CNTRL: variants seen among roughly 807,000 people sequenced by gnomAD.
CNTRL encodes 110 kDa centrosomal protein.
CNTRL carries 233 observed loss-of-function variants against 303.7 expected under a neutral mutation model. The observed-to-expected ratio is 0.77, with a 90% CI of 0.69 to 0.86. CNTRL has a LOEUF of 0.86. Among genes scored for constraint, CNTRL ranks in the 40% least tolerant of loss-of-function variants. The pLI is 0.00. For missense variants in CNTRL, 2,524 were observed against 2,650.6 expected (o/e 0.95, Z 1.05); for synonymous variants, 900 against 922.2 (o/e 0.98, Z 0.44).
chr9:121,125,863 A>T lies in CNTRL; in HGVS notation c.1952A>T (p.Gln651Leu), dbSNP rs774635839. 1.2e-6 allele frequency: 2 copies of T among 1,614,262 alleles called. No individual in the cohort carries two copies. The highest frequency in any genetic ancestry group is 1.7e-6 in the Non-Finnish European group (2 of 1,180,046). Residue 651 changes from glutamine (Q) to leucine (L), a missense_variant, in exon 14 of 44, where the codon CAG (glutamine) becomes CTG (leucine). Transcript: ENST00000373855. ...CGGGATGAGAAAGAGACATTGTTGC[A>T]GAGATTGACAGAAGTCGAGCAGGAG... ...KLRDEKETLL[Q>L]RLTEVEQERD...
chr9:121,116,775 A>G (rs1440337991), intron 11 of CNTRL, among the ~76,000 whole-genome samples: 1 of 152,184 alleles, frequency 6.6e-6, no homozygotes, highest in East Asian at 1.9e-4. Flanking sequence ...TGTTCAGTAC[A>G]GGCAAGAGAT....
rs2052633946 is a variant in CNTRL at position 121,157,551 on chromosome 9, A to C, written c.4447A>C (p.Arg1483=). 1.2e-6 allele frequency: 2 copies of C among 1,614,172 alleles called. No individual in the cohort carries two copies. The highest frequency in any genetic ancestry group is 2.7e-5 in the African/African-American group (2 of 75,054). ...GTCAGATGCTGAGGAATTAGAAAGG[A>C]GAGCTCAGGAAACTGCTGTTAACCT... ...TESDAEELER[R]AQETAVNLVK... Residue 1483 remains arginine, a synonymous_variant, in exon 28 of 44, where the codon AGA becomes CGA. Transcript: ENST00000373855.
Position 121,108,315 on chromosome 9 carries a change from G to T in CNTRL, c.1002+320G>T, listed in dbSNP as rs542845500. Among the ~76,000 whole-genome samples the T allele has an allele frequency of 2.0e-5, 3 of 152,232 alleles. No individual in the cohort carries two copies. In the East Asian group the frequency reaches 5.8e-4, roughly 29 times the overall value. ...TTATCCAAAATTTTGTGAGTTATAG[G>T]TCTTTTTGGACATGGAATCCATCTT... On this transcript the variant is annotated intron_variant, in intron 8 of 43. Transcript: ENST00000373855.
intron 27 of CNTRL, among the ~76,000 whole-genome samples, chr9:121,155,772 G>A (rs1393408569): frequency 6.6e-6 from 1 of 151,892 alleles, no homozygotes; most frequent in Non-Finnish European, 1.5e-5. Context: ...TGTTAGCTTG[G>A]TTTACTGATG....
In CNTRL at chr9:121,096,581, G is replaced by T; in HGVS notation, c.621+18G>T. ...TATCATCGGTAAGTTATTCAAAATAGCAGGAATTTTTAGACTTGTTAAAAA... is the reference window on the plus strand; with the variant it reads ...TATCATCGGTAAGTTATTCAAAATATCAGGAATTTTTAGACTTGTTAAAAA... On this transcript the variant is annotated intron_variant, in intron 6 of 43. Coordinates refer to ENST00000373855, the MANE Select transcript of CNTRL (RefSeq NM_007018.6). The T allele has an allele frequency of 7.1e-7, 1 of 1,404,518 alleles. No individual in the cohort carries two copies. 87.0% of individuals were successfully genotyped at this position (1,404,518 alleles called of 1,614,324 possible). A position where few individuals can be genotyped will look rare whatever the true frequency, so the allele number is the denominator to read the frequency against.
chr9:121,175,353 AC>A (rs2053479187), intron 43 of CNTRL, 129 bp downstream of exon 43: 1 of 792,106 alleles, frequency 1.3e-6, no homozygotes, highest in Non-Finnish European at 2.1e-6. Flanking sequence ...TGCAGCCTTG[AC>A]CTCCCAGGCT....
At position 121,169,805 on chromosome 9, in the gene CNTRL, A is replaced by G. The variant is rs754970427; in HGVS notation, c.6265A>G (p.Lys2089Glu). 2.4e-5 allele frequency: 39 copies of G among 1,613,858 alleles called. No individual in the cohort carries two copies. Among genetic ancestry groups the G allele is most frequent in the Non-Finnish European group, 2.5e-5 (30 of 1,179,904 alleles). ...TAAGATCCAGCGGAGCCAGCTGGAG[A>G]AAAACCTTCTTGTGAGTACCTGCTG... ...ALKIQRSQLE[K>E]NLLEQKQENS... The change falls in exon 39 of 44, where the codon AAA (lysine) becomes GAA (glutamate). Residue 2089 changes from lysine (K) to glutamate (E), a missense_variant. Lys to Glu is a moderately conservative substitution (Grantham distance 56). Coordinates refer to ENST00000373855, the MANE Select transcript of CNTRL (RefSeq NM_007018.6).
chr9:121,092,994 A>T (rs973996082), intron 4 of CNTRL, among the ~76,000 whole-genome samples: 10 of 149,848 alleles, frequency 6.7e-5, no homozygotes, highest in Non-Finnish European at 1.0e-4. Context: ...TCTTTAGTAG[A>T]GACAGGGTTT....
intron 42 of CNTRL, among the ~76,000 whole-genome samples, chr9:121,174,490 G>A (rs1207343119): frequency 6.6e-6 from 1 of 152,182 alleles, no homozygotes; most frequent in Non-Finnish European, 1.5e-5. Context: ...TATAGCCAGA[G>A]GTAGAACATT....
At chr9:121,121,940 T>A (rs2050251787) in intron 12 of CNTRL, 2 of 984,976 alleles carry the variant, frequency 2.0e-6, no homozygotes, top group African/African-American at 3.5e-5. Flanking sequence ...ACAGGATAAA[T>A]TTTAAGTTAA....
chr9:121,090,711 A>G (rs1007887617), intron 4 of CNTRL, among the ~76,000 whole-genome samples: 13 of 152,190 alleles, frequency 8.5e-5, no homozygotes, highest in African/African-American at 3.1e-4. Context: ...TTGTTTACAT[A>G]TTGTCTGTGG....
At position 121,121,680 on chromosome 9, in the gene CNTRL, C is replaced by G. The variant is rs2050232998; in HGVS notation, c.1651-2251C>G. ...TGCAAAGTTTGGGCGTGATTGGCCC[C>G]TGGGAGCTTCCTGTGTTATGATTTA... On this transcript the variant is annotated intron_variant, in intron 12 of 43. Coordinates refer to ENST00000373855, the MANE Select transcript of CNTRL (RefSeq NM_007018.6). 8.8e-6 allele frequency: 5 copies of G among 571,140 alleles called. No homozygotes were observed. The East Asian group carries it at 5.8e-4, about 66-fold the overall frequency. 35.4% of individuals were successfully genotyped at this position (571,140 alleles called of 1,614,324 possible).
Position 121,165,092 on chromosome 9 carries a change from A to G in CNTRL, c.5573A>G (p.Gln1858Arg), listed in dbSNP as rs1250238570. The G allele has an allele frequency of 6.3e-7, 1 of 1,586,874 alleles. No homozygotes were observed. The highest frequency in any genetic ancestry group is 8.6e-7 in the Non-Finnish European group (1 of 1,168,926). Residue 1858 changes from glutamine to arginine, a missense_variant, in exon 35 of 44, where the codon CAG (glutamine) becomes CGG (arginine). By Grantham distance (43) the Gln-to-Arg change is conservative. Coordinates refer to ENST00000373855, the MANE Select transcript of CNTRL (RefSeq NM_007018.6). The stretch of plus-strand genomic sequence containing the variant: ...AACGACATTTCAGCAATGCAACAGC[A>G]GCTCCAAGGTATAAGGCAGCAAAAC... ...LHNDISAMQQQLQEKREAVNS... is the reference protein window; with the variant it reads ...LHNDISAMQQRLQEKREAVNS...
intron 15 of CNTRL, 56 bp downstream of exon 15, chr9:121,136,038 A>C: frequency 2.2e-6 from 3 of 1,388,904 alleles, no homozygotes; most frequent in Non-Finnish European, 2.9e-6. Context: ...TTAAGATATC[A>C]TCCTTCTTTT....
At chr9:121,102,225 G>A (rs1378659706) in intron 7 of CNTRL, among the ~76,000 whole-genome samples, 1 of 152,128 alleles carries the variant, frequency 6.6e-6, no homozygotes, top group East Asian at 1.9e-4. Flanking sequence ...CTTCATCCCT[G>A]GCATGCAAGG....
intron 11 of CNTRL, among the ~76,000 whole-genome samples, chr9:121,115,870 T>C (rs1321047797): frequency 6.6e-6 from 1 of 152,198 alleles, no homozygotes; most frequent in Non-Finnish European, 1.5e-5. Context: ...TAGATTCTTT[T>C]AAAAGATACA....
At position 121,171,537 on chromosome 9, in the gene CNTRL, C is replaced by A; in HGVS notation, c.6406C>A (p.Leu2136Ile). ...LNQMQYEYTE[L>I]KKQMANQKDL... ...CCAGATGCAGTATGAGTACACGGAG[C>A]TCAAGAAACAGGTGTGTGCCCAGAA... Residue 2136 changes from leucine (L) to isoleucine (I), a missense_variant, in exon 40 of 44, where the codon CTC becomes ATC. Leu to Ile is a conservative substitution (Grantham distance 5). Transcript: ENST00000373855. The A allele has an allele frequency of 6.2e-7, 1 of 1,613,574 alleles. No individual in the cohort carries two copies. The highest frequency in any genetic ancestry group is 1.3e-5 in the African/African-American group (1 of 75,032).
At chr9:121,167,766 A>G in intron 37 of CNTRL, 89 bp downstream of exon 37, 1 of 1,168,762 alleles carries the variant, frequency 8.6e-7, no homozygotes, top group Non-Finnish European at 1.2e-6. Flanking sequence ...GCTGAGAAAT[A>G]TCCCCAATGG....
intron 34 of CNTRL, among the ~76,000 whole-genome samples, chr9:121,164,261 G>A (rs537975005): frequency 7.2e-5 from 11 of 152,098 alleles, no homozygotes; most frequent in Non-Finnish European, 1.5e-4. Flanking sequence ...TCAAACATAC[G>A]CCAATCGGAA....
Sources: allele counts gnomAD v4.1 joint callset (sites outside exome capture counted in the v4.1 genomes callset), GRCh38; gene constraint gnomAD v4.1.1; transcripts MANE v1.5; gene names NCBI Gene and HGNC (gene_info 2026-07-23, HGNC 2026-07-21).